FBXL20: variants seen among roughly 807,000 people sequenced by gnomAD.
The protein encoded by FBXL20 is F-box and leucine rich repeat protein 20.
FBXL20 carries 11 observed loss-of-function variants against 64.0 expected under a neutral mutation model. The ratio of observed to expected loss-of-function variants is 0.17; its 90% CI spans 0.11 to 0.28. The LOEUF (loss-of-function observed/expected upper bound fraction) is 0.28. FBXL20 is among the 10% of genes least tolerant of loss of function. FBXL20 has a pLI of 1.00. For missense variants in FBXL20, 303 were observed against 526.2 expected, an observed-to-expected ratio of 0.58 and a Z score of 4.15; for synonymous variants, 184 against 189.0, an observed-to-expected ratio of 0.97 and a Z score of 0.22.
intron 1 of FBXL20, among the ~76,000 whole-genome samples, chr17:39,374,082 C>T (rs1312138887): frequency 6.9e-6 from 1 of 145,584 alleles, no homozygotes; most frequent in Non-Finnish European, 1.5e-5. Flanking sequence ...ATTAGCCAGG[C>T]GTGGTGGTGG....
At chr17:39,380,917 A>G (rs1018351713) in intron 1 of FBXL20, among the ~76,000 whole-genome samples, 6 of 151,782 alleles carry the variant, frequency 4.0e-5, no homozygotes, top group Admixed American at 3.9e-4. Flanking sequence ...CCCAGTACTT[A>G]GGGAAGCAGA....
At chr17:39,374,739 C>T (rs990775206) in intron 1 of FBXL20, among the ~76,000 whole-genome samples, 4 of 152,120 alleles carry the variant, frequency 2.6e-5, no homozygotes, top group Admixed American at 6.6e-5. Flanking sequence ...CAAAGCAATT[C>T]CAATGAAATG....
intron 1 of FBXL20, among the ~76,000 whole-genome samples, chr17:39,396,936 G>A (rs1366370210): frequency 4.6e-4 from 66 of 143,316 alleles, no homozygotes; most frequent in South Asian, 2.2e-4. Context: ...CAGCCTGGGC[G>A]ACAGAGCAAG....
chr17:39,382,225 C>T (rs1390301098), intron 1 of FBXL20, among the ~76,000 whole-genome samples: 1 of 151,770 alleles, frequency 6.6e-6, no homozygotes, highest in African/African-American at 2.4e-5. Context: ...GGGCAGATCA[C>T]AAGGTAAGGA....
chr17:39,359,201 G>A (rs913706959), intron 1 of FBXL20, among the ~76,000 whole-genome samples: 1 of 152,060 alleles, frequency 6.6e-6, no homozygotes, highest in African/African-American at 2.4e-5. Context: ...GTGGCGGCAC[G>A]CACTTGTACC....
At chr17:39,301,413 A>G (rs901557535) in intron 3 of FBXL20, among the ~76,000 whole-genome samples, 1 of 152,174 alleles carries the variant, frequency 6.6e-6, no homozygotes, top group Non-Finnish European at 1.5e-5. Flanking sequence ...CAATATAGCC[A>G]GACCCGATCC....
At chr17:39,263,850 T>G (rs1418765760) in intron 14 of FBXL20, 2 of 210,300 alleles carry the variant, frequency 9.5e-6, no homozygotes, top group Admixed American at 1.0e-4. Context: ...CTTTCTTTCC[T>G]TTAGAACAAA....
At chr17:39,284,320 A>G (rs905957176) in intron 7 of FBXL20, among the ~76,000 whole-genome samples, 4 of 152,236 alleles carry the variant, frequency 2.6e-5, no homozygotes, top group Admixed American at 6.5e-5. Flanking sequence ...CATGTGTTCA[A>G]TATTCACAAA....
In FBXL20 at chr17:39,255,154, C is replaced by G. The variant is rs536148020; in HGVS notation, c.*6306G>C. ...ATGCGTCTAAAAAAAATAGATACAA[C>G]GGGCCGGGCGCGGTGGCTCACGCCT... On this transcript the variant is annotated 3_prime_UTR_variant, in exon 15 of 15. Coordinates refer to ENST00000264658, the MANE Select transcript of FBXL20 (RefSeq NM_032875.3). 6.6e-6 allele frequency: 1 copy of G among 152,204 alleles called. No individual in the cohort carries two copies. The highest frequency in any genetic ancestry group is 6.6e-5 in the Admixed American group (1 of 15,252). 9.4% of individuals were successfully genotyped at this position (152,204 alleles called of 1,614,324 possible).
In FBXL20 at chr17:39,362,790, T is replaced by G. The variant is rs539095241; in HGVS notation, c.43-19549A>C. 2.0e-5 allele frequency among the ~76,000 whole-genome samples: 3 copies of G among 151,578 alleles called. No homozygotes were observed. In the East Asian group the frequency reaches 5.9e-4, roughly 30 times the overall value. On this transcript the variant is annotated intron_variant, in intron 1 of 14. Coordinates refer to ENST00000264658, the MANE Select transcript of FBXL20 (RefSeq NM_032875.3). ...CGCCACCACACCCAGCTAGTTTTTT[T>G]GTATTTTTAGTAGAAATGGAGTTAT...
At chr17:39,368,843 G>C (rs2047887324) in intron 1 of FBXL20, among the ~76,000 whole-genome samples, 2 of 152,074 alleles carry the variant, frequency 1.3e-5, no homozygotes, top group African/African-American at 4.8e-5. Flanking sequence ...TTTTAGTAAA[G>C]ACGGGGTTTC....
rs2047094546 is a variant in FBXL20, at chr17:39,297,277, TTGG to T, written c.330-85_330-83del. The T allele has an allele frequency of 5.2e-6, 4 of 765,204 alleles. No homozygotes were observed. The South Asian group carries it at 7.0e-5, about 13-fold the overall frequency. 47.4% of individuals were successfully genotyped at this position (765,204 alleles called of 1,614,324 possible). A position where few individuals can be genotyped will look rare whatever the true frequency, so the allele number is the denominator to read the frequency against. On this transcript the variant is annotated intron_variant, in intron 5 of 14. Transcript: ENST00000264658. ...AAAAAAGTAATAAAATATATTATTATTGGTAATATTGATTGTTGATATCTGTGA... is the reference window on the plus strand; with the variant it reads ...AAAAAAGTAATAAAATATATTATTATTAATATTGATTGTTGATATCTGTGA...
intron 1 of FBXL20, among the ~76,000 whole-genome samples, chr17:39,398,033 C>CGGTG (rs2048201051): frequency 1.7e-4 from 1 of 5,786 alleles, no homozygotes; most frequent in African/African-American, 1.1e-3. Context: ...TTTGGGAGGC[C>CGGTG]GGCGGGCGGG....
intron 6 of FBXL20, among the ~76,000 whole-genome samples, chr17:39,293,031 G>A (rs1297463950): frequency 6.6e-6 from 1 of 152,058 alleles, no homozygotes; most frequent in African/African-American, 2.4e-5. Flanking sequence ...GACCTCAGGT[G>A]ATCCGCCCAC....
chr17:39,285,462 A>T lies in FBXL20; in HGVS notation c.494+16T>A. 6.5e-7 allele frequency: 1 copy of T among 1,528,962 alleles called. No homozygotes were observed. The highest frequency in any genetic ancestry group is 8.8e-7 in the Non-Finnish European group (1 of 1,131,612). 94.7% of individuals were successfully genotyped at this position (1,528,962 alleles called of 1,614,324 possible). ...TTTTTTTTGATTACTTGACATGCTT[A>T]TTATAAGAAATTTACCTCAGAGCTT... On this transcript the variant is annotated intron_variant, in intron 7 of 14. Coordinates refer to ENST00000264658, the MANE Select transcript of FBXL20 (RefSeq NM_032875.3).
intron 1 of FBXL20, among the ~76,000 whole-genome samples, chr17:39,392,116 G>A (rs781309492): frequency 4.6e-5 from 7 of 151,952 alleles, no homozygotes; most frequent in African/African-American, 1.2e-4. Flanking sequence ...TAGCCCAGGC[G>A]ACAGTGCGAG....
intron 6 of FBXL20, among the ~76,000 whole-genome samples, chr17:39,292,228 T>TA (rs998918930): frequency 2.0e-5 from 3 of 150,778 alleles, no homozygotes; most frequent in African/African-American, 7.4e-5. Flanking sequence ...TTTTTTCATC[T>TA]AATTTTTTTC....
chr17:39,354,829 A>G (rs1386498112), intron 1 of FBXL20, among the ~76,000 whole-genome samples: 2 of 152,236 alleles, frequency 1.3e-5, no homozygotes, highest in African/African-American at 4.8e-5. Context: ...ACAACAAATA[A>G]AATAACAATT....
At chr17:39,269,738 T>C (rs1329358603) in intron 11 of FBXL20, among the ~76,000 whole-genome samples, 1 of 151,704 alleles carries the variant, frequency 6.6e-6, no homozygotes, top group African/African-American at 2.4e-5. Context: ...CCTCAGGTGA[T>C]CCACCCCCCT....
Sources: gnomAD v4.1 joint callset for allele counts (sites outside exome capture counted in the v4.1 genomes callset) on GRCh38, gnomAD v4.1.1 for gene constraint, MANE v1.5 for transcripts, NCBI Gene and HGNC (gene_info 2026-07-23, HGNC 2026-07-21) for gene names.